Variants in ERC1 observed in about 807,000 individuals in gnomAD.
ERC1 encodes RAB6 interacting protein 2.
A neutral mutation model predicts 132.0 loss-of-function variants in ERC1; 56 were observed. That is an observed-to-expected ratio of 0.42 (90% confidence interval 0.34 to 0.53). The LOEUF is 0.53. ERC1 is among the 20% of genes least tolerant of loss of function. The pLI, the probability that ERC1 is intolerant of heterozygous loss-of-function variation, is 0.03. For synonymous variants in ERC1, 478 were observed against 476.1 expected (o/e 1.00, Z -0.05); for missense variants, 1,202 against 1,349.9 (o/e 0.89, Z 1.72).
At chr12:1,269,115 T>G (rs7134890) in intron 14 of ERC1, among the ~76,000 whole-genome samples, 7,459 of 152,296 alleles carry the variant, frequency 0.049, 614 homozygotes, top group African/African-American at 0.17. Flanking sequence ...TGGGTGCTGT[T>G]GTAGTCCTGG....
intron 18 of ERC1, among the ~76,000 whole-genome samples, chr12:1,457,295 T>G (rs893722536): frequency 1.3e-5 from 2 of 152,202 alleles, no homozygotes; most frequent in African/African-American, 2.4e-5. Flanking sequence ...ATGTCTGTAG[T>G]ATGCAGTTTA....
intron 15 of ERC1, among the ~76,000 whole-genome samples, chr12:1,337,769 A>G (rs2083437432): frequency 6.6e-6 from 1 of 152,186 alleles, no homozygotes; most frequent in Non-Finnish European, 1.5e-5. Context: ...TGCTGGTGTG[A>G]AAAGGATCTG....
At chr12:1,479,225 T>C (rs182602427) in intron 18 of ERC1, among the ~76,000 whole-genome samples, 38 of 152,318 alleles carry the variant, frequency 2.5e-4, no homozygotes, top group Middle Eastern at 3.4e-3. Flanking sequence ...GGAGCATTTG[T>C]ATAGCTTTGT....
At chr12:998,607 G>T (rs1202830810) in intron 1 of ERC1, 1 of 152,188 alleles carries the variant, frequency 6.6e-6, no homozygotes, top group African/African-American at 2.4e-5. Flanking sequence ...TGGAAGTGAT[G>T]TGGTATCACT....
At chr12:1,231,992 G>T (rs767275917) in intron 12 of ERC1, among the ~76,000 whole-genome samples, 1 of 152,172 alleles carries the variant, frequency 6.6e-6, no homozygotes, top group Non-Finnish European at 1.5e-5. Flanking sequence ...ACCCACCTCA[G>T]CCTCCTAAAG....
chr12:1,469,755 A>G (rs1192001400), intron 18 of ERC1, among the ~76,000 whole-genome samples: 3 of 152,176 alleles, frequency 2.0e-5, no homozygotes, highest in African/African-American at 7.2e-5. Context: ...CTGTGGGAAT[A>G]TTTTTCTTTC....
intron 15 of ERC1, among the ~76,000 whole-genome samples, chr12:1,330,948 G>A (rs575493046): frequency 3.9e-5 from 6 of 152,166 alleles, no homozygotes; most frequent in African/African-American, 1.2e-4. Context: ...TACATTCAAT[G>A]TACTGTCCCC....
At chr12:1,110,619 A>G (rs982537086) in intron 5 of ERC1, among the ~76,000 whole-genome samples, 1 of 152,242 alleles carries the variant, frequency 6.6e-6, no homozygotes, top group African/African-American at 2.4e-5. Context: ...CATATCTATT[A>G]GTACTTCCGA....
chr12:1,183,904 G>C (rs958303751), intron 11 of ERC1, among the ~76,000 whole-genome samples: 7 of 151,634 alleles, frequency 4.6e-5, no homozygotes, highest in African/African-American at 1.5e-4. Context: ...GGGAGGCCGA[G>C]GCGGGCAGAT....
intron 15 of ERC1, among the ~76,000 whole-genome samples, chr12:1,330,190 G>A (rs1180390169): frequency 3.3e-5 from 5 of 152,160 alleles, no homozygotes; most frequent in Admixed American, 1.3e-4. Context: ...AAGTCAGATA[G>A]CACAGAAAGG....
intron 8 of ERC1, among the ~76,000 whole-genome samples, chr12:1,171,269 T>C (rs1482519030): frequency 6.6e-6 from 1 of 152,092 alleles, no homozygotes; most frequent in Non-Finnish European, 1.5e-5. Context: ...GAGTTTCTTA[T>C]GGTTTTGTCA....
intron 12 of ERC1, among the ~76,000 whole-genome samples, chr12:1,190,683 CTTA>C (rs934575815): frequency 3.3e-5 from 5 of 152,010 alleles, no homozygotes; most frequent in African/African-American, 1.2e-4. Context: ...GGTGTGTTTT[CTTA>C]TTATTTTATG....
At chr12:1,048,803 A>G (rs1971468116) in intron 2 of ERC1, among the ~76,000 whole-genome samples, 1 of 152,222 alleles carries the variant, frequency 6.6e-6, no homozygotes. Flanking sequence ...TTGCACTAGT[A>G]TAATATAATT....
At chr12:1,190,776 C>G (rs1468391470) in intron 12 of ERC1, among the ~76,000 whole-genome samples, 1 of 152,114 alleles carries the variant, frequency 6.6e-6, no homozygotes, top group East Asian at 1.9e-4. Flanking sequence ...GCAGAAACAA[C>G]TCTGCCGGTA....
At chr12:1,057,176 T>A (rs1973124092) in intron 2 of ERC1, among the ~76,000 whole-genome samples, 1 of 152,188 alleles carries the variant, frequency 6.6e-6, no homozygotes, top group Admixed American at 6.5e-5. Context: ...TCTCTCACTT[T>A]GTCAGCGCGA....
intron 1 of ERC1, among the ~76,000 whole-genome samples, chr12:999,812 C>T (rs150275887): frequency 0.029 from 4,418 of 152,160 alleles, 98 homozygotes; most frequent in Middle Eastern, 0.099. Flanking sequence ...TCAGGCTGGT[C>T]TCAAACTCCT....
chr12:1,390,183 G>A (rs1004575701), intron 16 of ERC1, among the ~76,000 whole-genome samples: 2 of 151,968 alleles, frequency 1.3e-5, no homozygotes, highest in African/African-American at 2.4e-5. Flanking sequence ...AGTAAACACT[G>A]GTATGTTATG....
chr12:1,034,721 A>G (rs1268158035), intron 2 of ERC1, among the ~76,000 whole-genome samples: 1 of 152,238 alleles, frequency 6.6e-6, no homozygotes, highest in Admixed American at 6.5e-5. Context: ...TAATGAAAAA[A>G]GTTATTGGCG....
At chr12:1,413,910 G>A (rs1483644460) in intron 17 of ERC1, among the ~76,000 whole-genome samples, 2 of 152,172 alleles carry the variant, frequency 1.3e-5, no homozygotes, top group African/African-American at 4.8e-5. Context: ...AACCGGTTTC[G>A]TGGAAGACAG....
Sources: allele counts gnomAD v4.1 joint callset (sites outside exome capture counted in the v4.1 genomes callset), GRCh38; gene constraint gnomAD v4.1.1; transcripts MANE v1.5; gene names NCBI Gene and HGNC (gene_info 2026-07-23, HGNC 2026-07-21).